Variants in DLGAP1 observed in about 807,000 individuals in gnomAD.
DLGAP1 encodes disks large-associated protein 1.
A neutral mutation model predicts 90.8 loss-of-function variants in DLGAP1; 11 were observed. The observed-to-expected ratio is 0.12, with a 90% confidence interval of 0.08 to 0.20. The LOEUF (loss-of-function observed/expected upper bound fraction) is 0.20, where lower values mean the gene tolerates loss of function less well. Among genes scored for constraint, DLGAP1 ranks in the 10% least tolerant of loss-of-function variants. The pLI is 1.00. For missense variants in DLGAP1, 1,050 were observed against 1,333.8 expected (o/e 0.79, Z 3.31); for synonymous variants, 558 against 540.7 (o/e 1.03, Z -0.44).
chr18:3,890,098 G>A (rs1276854105), intron 3 of DLGAP1, among the ~76,000 whole-genome samples: 2 of 152,194 alleles, frequency 1.3e-5, no homozygotes, highest in Non-Finnish European at 2.9e-5. Context: ...TGCCCAGTGG[G>A]TAACTGCAAG....
chr18:3,885,817 G>T (rs1047384276), intron 3 of DLGAP1, among the ~76,000 whole-genome samples: 1 of 152,204 alleles, frequency 6.6e-6, no homozygotes, highest in South Asian at 2.1e-4. Context: ...CAGAGTGTGA[G>T]ATGCACAGTT....
intron 3 of DLGAP1, among the ~76,000 whole-genome samples, chr18:3,901,769 T>C (rs2071789033): frequency 6.6e-6 from 1 of 152,164 alleles, no homozygotes; most frequent in African/African-American, 2.4e-5. Flanking sequence ...TTCTGAGCAA[T>C]GAGAGGGAAG....
At chr18:3,725,055 C>A (rs1051990300) in intron 7 of DLGAP1, among the ~76,000 whole-genome samples, 8 of 152,098 alleles carry the variant, frequency 5.3e-5, no homozygotes, top group Non-Finnish European at 1.0e-4. Context: ...ATTTTTAATA[C>A]CTCCCTATCT....
intron 4 of DLGAP1, among the ~76,000 whole-genome samples, chr18:3,822,815 T>C (rs1003869692): frequency 6.6e-6 from 1 of 152,140 alleles, no homozygotes; most frequent in Non-Finnish European, 1.5e-5. Flanking sequence ...GGGCACTAAC[T>C]GTGGATAAGA....
At chr18:4,047,777 G>C (rs774436216) in intron 2 of DLGAP1, among the ~76,000 whole-genome samples, 1 of 152,124 alleles carries the variant, frequency 6.6e-6, no homozygotes, top group Non-Finnish European at 1.5e-5. Context: ...AGATCATTGA[G>C]GTTTAATGAG....
intron 7 of DLGAP1, among the ~76,000 whole-genome samples, chr18:3,728,532 T>C (rs910168267): frequency 6.6e-6 from 1 of 151,892 alleles, no homozygotes; most frequent in Non-Finnish European, 1.5e-5. Flanking sequence ...TACAGTTTAG[T>C]GGGAAAAGGA....
chr18:3,592,882 G>A (rs200397712), intron 7 of DLGAP1, among the ~76,000 whole-genome samples: 161 of 12,408 alleles, frequency 0.013, no homozygotes, highest in Admixed American at 0.021. Flanking sequence ...AAGAAAGAAA[G>A]AAAAAGAAAA....
intron 1 of DLGAP1, among the ~76,000 whole-genome samples, chr18:4,328,141 A>G (rs554988511): frequency 1.1e-4 from 16 of 151,542 alleles, no homozygotes; most frequent in Middle Eastern, 6.8e-3. Context: ...TTAGACCCCA[A>G]ATTCAATCAC....
At chr18:3,796,028 AC>A (rs1254218928) in intron 5 of DLGAP1, among the ~76,000 whole-genome samples, 1 of 152,190 alleles carries the variant, frequency 6.6e-6, no homozygotes, top group African/African-American at 2.4e-5. Context: ...GGAGTTAAGG[AC>A]CAACATCGCC....
chr18:3,562,956 G>C (rs1410818272), intron 9 of DLGAP1, among the ~76,000 whole-genome samples: 1 of 152,076 alleles, frequency 6.6e-6, no homozygotes, highest in Non-Finnish European at 1.5e-5. Context: ...AGCCTACTGA[G>C]TAACTGGGAC....
chr18:3,579,437 C>T (rs2055358733), intron 8 of DLGAP1, among the ~76,000 whole-genome samples: 2 of 152,148 alleles, frequency 1.3e-5, no homozygotes, highest in Non-Finnish European at 2.9e-5. Flanking sequence ...CTCGAACTCC[C>T]GACCTCAGGT....
At chr18:4,373,516 C>T (rs563460649) in intron 1 of DLGAP1, among the ~76,000 whole-genome samples, 3 of 152,264 alleles carry the variant, frequency 2.0e-5, no homozygotes, top group African/African-American at 7.2e-5. Context: ...CTGGTGCCCA[C>T]CTCCAGGTTA....
At chr18:3,822,971 C>T (rs1044920142) in intron 4 of DLGAP1, among the ~76,000 whole-genome samples, 32 of 152,014 alleles carry the variant, frequency 2.1e-4, no homozygotes, top group African/African-American at 7.7e-4. Context: ...CACAGTGAGA[C>T]AAGATATTAA....
chr18:3,759,731 A>G (rs1388230632), intron 5 of DLGAP1, among the ~76,000 whole-genome samples: 1 of 152,238 alleles, frequency 6.6e-6, no homozygotes, highest in Non-Finnish European at 1.5e-5. Context: ...TAAGCTTATA[A>G]CAGATGTGCA....
intron 4 of DLGAP1, among the ~76,000 whole-genome samples, chr18:3,870,911 T>C (rs1375886563): frequency 1.3e-5 from 2 of 152,196 alleles, no homozygotes; most frequent in Non-Finnish European, 2.9e-5. Flanking sequence ...CACACCAATT[T>C]CTTTTCTTTG....
chr18:4,311,134 A>G (rs1332514271), intron 1 of DLGAP1, among the ~76,000 whole-genome samples: 2 of 152,222 alleles, frequency 1.3e-5, no homozygotes, highest in Non-Finnish European at 2.9e-5. Context: ...GTCAAAGTCC[A>G]ATTCCAACAC....
intron 7 of DLGAP1, among the ~76,000 whole-genome samples, chr18:3,582,801 C>A (rs1432885395): frequency 6.6e-6 from 1 of 152,056 alleles, no homozygotes; most frequent in Non-Finnish European, 1.5e-5. Flanking sequence ...GCTGCTGCAA[C>A]TTGTTTATCG....
At chr18:4,413,380 G>C (rs752591641) in intron 1 of DLGAP1, among the ~76,000 whole-genome samples, 1 of 152,194 alleles carries the variant, frequency 6.6e-6, no homozygotes, top group East Asian at 1.9e-4. Context: ...CTCTCCAAGA[G>C]AGAGATGGTC....
intron 2 of DLGAP1, among the ~76,000 whole-genome samples, chr18:4,117,679 C>T: frequency 6.6e-6 from 1 of 152,164 alleles, no homozygotes. Context: ...TGTTTGCCTT[C>T]ACATTTTGTG....
Sources: gnomAD v4.1 joint callset for allele counts (sites outside exome capture counted in the v4.1 genomes callset) on GRCh38, gnomAD v4.1.1 for gene constraint, MANE v1.5 for transcripts, NCBI Gene and HGNC (gene_info 2026-07-23, HGNC 2026-07-21) for gene names.